SDC2: variants seen among roughly 807,000 people sequenced by gnomAD.
SDC2 encodes the protein syndecan-2.
A neutral mutation model predicts 22.2 loss-of-function variants in SDC2; 13 were observed. That is an observed-to-expected ratio of 0.59 (90% CI 0.38 to 0.93). The LOEUF is 0.93. Among genes scored for constraint, SDC2 ranks in the 40% least tolerant of loss-of-function variants. The pLI is 0.00. For missense variants in SDC2, 235 were observed against 246.8 expected (o/e 0.95, Z 0.32); for synonymous variants, 94 against 92.8 (o/e 1.01, Z -0.07).
At chr8:96,494,847 C>A (rs557014604) in intron 1 of SDC2, among the ~76,000 whole-genome samples, 68 of 152,314 alleles carry the variant, frequency 4.5e-4, no homozygotes, top group Non-Finnish European at 8.4e-4. Flanking sequence ...ATTTAAGAGA[C>A]CCGCGAGTGT....
rs73271663 is a variant in SDC2 at position 96,507,620 on chromosome 8, A to G, written c.60+13289A>G. ...AGATTTATAGATAGAAAAGGAGATA[A>G]AAGCTTCCTGGAGATAAGAATCGGG... is the stretch of plus-strand genomic sequence containing the variant. On this transcript the variant is annotated intron_variant, in intron 1 of 4. Transcript: ENST00000302190. Among the ~76,000 whole-genome samples the G allele has an allele frequency of 6.0e-3, 911 of 152,358 alleles. 12 individuals carry two copies. The highest frequency in any genetic ancestry group is 0.02 in the African/African-American group (842 of 41,582).
At chr8:96,533,798 A>C (rs981587532) in intron 1 of SDC2, among the ~76,000 whole-genome samples, 30 of 152,322 alleles carry the variant, frequency 2.0e-4, no homozygotes, top group Non-Finnish European at 3.4e-4. Flanking sequence ...TGGATCCTGC[A>C]CTGGGGCCAC....
intron 1 of SDC2, among the ~76,000 whole-genome samples, chr8:96,559,078 C>G (rs1212883525): frequency 6.6e-6 from 1 of 152,126 alleles, no homozygotes; most frequent in Non-Finnish European, 1.5e-5. Context: ...AGTAAGTCAT[C>G]TACTTTATGC....
At chr8:96,575,226 A>G (rs916315071) in intron 1 of SDC2, among the ~76,000 whole-genome samples, 22 of 152,144 alleles carry the variant, frequency 1.4e-4, no homozygotes, top group African/African-American at 5.3e-4. Context: ...CCTTCTAAAT[A>G]TGTTTCCTGA....
At chr8:96,578,755 T>C (rs1814544000) in intron 1 of SDC2, among the ~76,000 whole-genome samples, 1 of 152,156 alleles carries the variant, frequency 6.6e-6, no homozygotes, top group Admixed American at 6.5e-5. Context: ...GTTAAGGAGT[T>C]TTACAGAACT....
At chr8:96,581,048 GT>G (rs1229516078) in intron 1 of SDC2, among the ~76,000 whole-genome samples, 2 of 152,024 alleles carry the variant, frequency 1.3e-5, no homozygotes, top group Non-Finnish European at 2.9e-5. Flanking sequence ...ATTCCTAACT[GT>G]TTTGCTTTTC....
chr8:96,574,078 A>G (rs1203347503), intron 1 of SDC2, among the ~76,000 whole-genome samples: 1 of 119,972 alleles, frequency 8.3e-6, no homozygotes. Flanking sequence ...GCACCAACTC[A>G]CCTTCAGCTT....
chr8:96,545,964 A>C (rs1472228958), intron 1 of SDC2, among the ~76,000 whole-genome samples: 2 of 152,216 alleles, frequency 1.3e-5, no homozygotes, highest in Admixed American at 1.3e-4. Context: ...TAATCCCCTG[A>C]GGTGATGCGT....
chr8:96,501,047 T>C (rs1813153069), intron 1 of SDC2, among the ~76,000 whole-genome samples: 1 of 152,086 alleles, frequency 6.6e-6, no homozygotes, highest in African/African-American at 2.4e-5. Context: ...GTTTTCACAG[T>C]TTTTTTCTCT....
intron 1 of SDC2, among the ~76,000 whole-genome samples, chr8:96,504,160 G>A (rs1563640194): frequency 6.6e-6 from 1 of 152,182 alleles, no homozygotes; most frequent in South Asian, 2.1e-4. Flanking sequence ...CCCAAATTCT[G>A]GTTAACTGAA....
At chr8:96,539,056 A>G (rs1361740495) in intron 1 of SDC2, among the ~76,000 whole-genome samples, 6 of 152,258 alleles carry the variant, frequency 3.9e-5, no homozygotes. Context: ...TGTCTGAAGA[A>G]AGTAAGCAAC....
intron 1 of SDC2, among the ~76,000 whole-genome samples, chr8:96,510,229 A>G (rs1813307554): frequency 6.6e-6 from 1 of 152,252 alleles, no homozygotes; most frequent in South Asian, 2.1e-4. Context: ...GATCATGTAT[A>G]GGTCCTACAT....
At chr8:96,539,674 T>C (rs1425549477) in intron 1 of SDC2, among the ~76,000 whole-genome samples, 1 of 152,238 alleles carries the variant, frequency 6.6e-6, no homozygotes, top group Non-Finnish European at 1.5e-5. Flanking sequence ...CTCTTATTCA[T>C]AGTTGAAAAG....
At chr8:96,503,345 T>C (rs1171273056) in intron 1 of SDC2, among the ~76,000 whole-genome samples, 1 of 152,226 alleles carries the variant, frequency 6.6e-6, no homozygotes, top group African/African-American at 2.4e-5. Context: ...ATTTAGACAC[T>C]GAATATCATG....
intron 1 of SDC2, among the ~76,000 whole-genome samples, chr8:96,588,236 T>C (rs1207218076): frequency 6.6e-6 from 1 of 152,170 alleles, no homozygotes; most frequent in African/African-American, 2.4e-5. Flanking sequence ...GTTTCTTCAT[T>C]TGTGAAATAA....
At position 96,611,295 on chromosome 8, in the gene SDC2, A is replaced by G. The variant is rs1033829548; in HGVS notation, c.*1747A>G. On this transcript the variant is annotated 3_prime_UTR_variant, in exon 5 of 5. Coordinates refer to ENST00000302190, the MANE Select transcript of SDC2 (RefSeq NM_002998.4). ...CTATTTTACCACTAATTTTGTTTTA[A>G]ACTGTGAGCCGTCCAAGTCAGAAGA... 3 of 152,362 alleles carry G rather than the reference A, an allele frequency of 2.0e-5. No individual in the cohort carries two copies. Among genetic ancestry groups the G allele is most frequent in the Non-Finnish European group, 4.4e-5 (3 of 68,030 alleles). 9.4% of individuals were successfully genotyped at this position (152,362 alleles called of 1,614,324 possible).
chr8:96,528,806 A>G (rs1813617840), intron 1 of SDC2, among the ~76,000 whole-genome samples: 1 of 152,218 alleles, frequency 6.6e-6, no homozygotes, highest in Non-Finnish European at 1.5e-5. Flanking sequence ...AAGGGGATTT[A>G]TGATCCTTAA....
Position 96,609,699 on chromosome 8 carries a change from A to C in SDC2, c.*151A>C, listed in dbSNP as rs541367180. The C allele has an allele frequency of 3.9e-6, 2 of 506,644 alleles. No homozygotes were observed. Among genetic ancestry groups the C allele is most frequent in the South Asian group, 5.4e-5 (1 of 18,388 alleles). 31.4% of individuals were successfully genotyped at this position (506,644 alleles called of 1,614,324 possible). A position where few individuals can be genotyped will look rare whatever the true frequency, so the allele number is the denominator to read the frequency against. On this transcript the variant is annotated 3_prime_UTR_variant, in exon 5 of 5. Transcript: ENST00000302190. Reference sequence around the variant, plus strand: ...AATCCCATTGTATTTAAAACATTTCATGTATTTCTTTAGAACAACATAAAA... The same window carrying C: ...AATCCCATTGTATTTAAAACATTTCCTGTATTTCTTTAGAACAACATAAAA...
intron 1 of SDC2, among the ~76,000 whole-genome samples, chr8:96,583,192 T>C (rs1814619189): frequency 6.7e-6 from 1 of 149,852 alleles, no homozygotes; most frequent in African/African-American, 2.4e-5. Context: ...GCTCAAGCAG[T>C]TCTCCAGCCT....
Sources: allele counts gnomAD v4.1 joint callset (sites outside exome capture counted in the v4.1 genomes callset), GRCh38; gene constraint gnomAD v4.1.1; transcripts MANE v1.5; gene names NCBI Gene and HGNC (gene_info 2026-07-23, HGNC 2026-07-21).